The following LIN52 variants were observed in gnomAD, a reference collection of about 807,000 sequenced individuals.
LIN52 encodes the protein lin-52 DREAM MuvB core complex component.
In LIN52, 4 loss-of-function variants were observed where a neutral mutation model predicts 18.5. The observed-to-expected ratio is 0.22, with a 90% CI of 0.11 to 0.49. The LOEUF (loss-of-function observed/expected upper bound fraction) is 0.49, where lower values mean the gene tolerates loss of function less well. LIN52 is among the 20% of genes least tolerant of loss of function. LIN52 has a pLI of 0.97. For synonymous variants in LIN52, 34 were observed against 45.5 expected (o/e 0.75, Z 1.02); for missense variants, 102 against 139.5 (o/e 0.73, Z 1.35).
intron 5 of LIN52, among the ~76,000 whole-genome samples, chr14:74,197,516 A>G (rs1452087916): frequency 6.6e-6 from 1 of 152,202 alleles, no homozygotes; most frequent in Non-Finnish European, 1.5e-5. Flanking sequence ...GAAGACAACC[A>G]TATAAGCTAG....
rs1424149703 is a variant in LIN52 at position 74,199,733 on chromosome 14, A to G, written c.*756A>G. The G allele has an allele frequency of 6.6e-6, 1 of 152,214 alleles. No individual in the cohort carries two copies. The highest frequency in any genetic ancestry group is 1.5e-5 in the Non-Finnish European group (1 of 68,054). 9.4% of individuals were successfully genotyped at this position (152,214 alleles called of 1,614,324 possible). ...TGACAGAAAGGACTTTTGAGTTCTA[A>G]TTAATCTGTTACAGCTTCAAGCAAG... On this transcript the variant is annotated 3_prime_UTR_variant, in exon 6 of 6. Transcript: ENST00000555028.
chr14:74,097,777 A>T lies in LIN52; in HGVS notation c.133-17A>T. The T allele has an allele frequency of 1.3e-6, 2 of 1,564,590 alleles. No individual in the cohort carries two copies. The highest frequency in any genetic ancestry group is 1.8e-6 in the Non-Finnish European group (2 of 1,135,342). On this transcript the variant is annotated splice_polypyrimidine_tract_variant and intron_variant, in intron 3 of 5. Coordinates refer to ENST00000555028, the MANE Select transcript of LIN52 (RefSeq NM_001024674.3). Reference sequence around the variant, plus strand: ...ACACTTTTTATGTGTCTGAATGGATATATTATTTTTTGACAGCCTATTACT... The same window carrying T: ...ACACTTTTTATGTGTCTGAATGGATTTATTATTTTTTGACAGCCTATTACT...
chr14:74,187,114 A>G (rs936600471), intron 5 of LIN52, among the ~76,000 whole-genome samples: 5 of 152,202 alleles, frequency 3.3e-5, no homozygotes, highest in African/African-American at 9.6e-5. Context: ...AAAGAATTTC[A>G]TACATTATCT....
At chr14:74,157,455 A>T (rs1412488951) in intron 5 of LIN52, among the ~76,000 whole-genome samples, 31 of 69,368 alleles carry the variant, frequency 4.5e-4, no homozygotes, top group Middle Eastern at 5.9e-3. Flanking sequence ...ATATATATAT[A>T]TATATTTTTT....
rs372157745 is a variant in LIN52, at chr14:74,086,011, ATT to A, written c.19+1028_19+1029del. ...CAAAAGATGACTCAAACATATAAACATTTTTTTTTTTCAGTTTCAGTTCTCTT... is the reference window on the plus strand; with the variant it reads ...CAAAAGATGACTCAAACATATAAACATTTTTTTTTCAGTTTCAGTTCTCTT... On this transcript the variant is annotated intron_variant, in intron 1 of 5. Transcript: ENST00000555028. 9.0e-4 allele frequency among the ~76,000 whole-genome samples: 134 copies of A among 148,262 alleles called. 1 individual carries two copies. Among genetic ancestry groups the A allele is most frequent in the African/African-American group, 3.2e-3 (131 of 40,620 alleles).
At chr14:74,152,955 GTC>G (rs2061182870) in intron 5 of LIN52, among the ~76,000 whole-genome samples, 1 of 88,660 alleles carries the variant, frequency 1.1e-5, no homozygotes, top group African/African-American at 4.9e-5. Context: ...GCAAGACTCT[GTC>G]TCAAAAAAAA....
chr14:74,103,733 GTTTTTTTTT>G (rs573188668), intron 5 of LIN52, among the ~76,000 whole-genome samples: 30 of 46,034 alleles, frequency 6.5e-4, no homozygotes, highest in African/African-American at 2.0e-3. Flanking sequence ...GGCCTGGCCA[GTTTTTTTTT>G]TTTTTTTTTT....
At chr14:74,186,917 G>A (rs892272048) in intron 5 of LIN52, among the ~76,000 whole-genome samples, 5 of 152,090 alleles carry the variant, frequency 3.3e-5, no homozygotes, top group African/African-American at 1.2e-4. Context: ...CATCTCTCCT[G>A]AAAATACAAA....
intron 5 of LIN52, among the ~76,000 whole-genome samples, chr14:74,142,038 A>G (rs2061133755): frequency 6.6e-6 from 1 of 152,144 alleles, no homozygotes; most frequent in Admixed American, 6.5e-5. Flanking sequence ...AAGCAAAGCA[A>G]TTTTCCAGGA....
At chr14:74,135,020 T>C (rs752302171) in intron 5 of LIN52, among the ~76,000 whole-genome samples, 2 of 152,176 alleles carry the variant, frequency 1.3e-5, no homozygotes, top group Non-Finnish European at 2.9e-5. Flanking sequence ...ATTGAAACTA[T>C]CCTTGCATAC....
intron 5 of LIN52, among the ~76,000 whole-genome samples, chr14:74,173,090 G>A (rs1014782647): frequency 2.0e-5 from 3 of 152,102 alleles, no homozygotes; most frequent in Admixed American, 6.5e-5. Context: ...TGTATAAAAA[G>A]CATTCTGTTG....
At chr14:74,163,628 AT>A (rs908156391) in intron 5 of LIN52, among the ~76,000 whole-genome samples, 3 of 152,150 alleles carry the variant, frequency 2.0e-5, no homozygotes, top group African/African-American at 7.2e-5. Context: ...TACTAAAACA[AT>A]TTTTTTAAAA....
chr14:74,190,515 C>T (rs2061359309), intron 5 of LIN52, among the ~76,000 whole-genome samples: 1 of 151,222 alleles, frequency 6.6e-6, no homozygotes, highest in Non-Finnish European at 1.5e-5. Flanking sequence ...CTTCAGCCTC[C>T]CAAGTAGCTG....
intron 5 of LIN52, among the ~76,000 whole-genome samples, chr14:74,169,326 C>T (rs1297724960): frequency 6.6e-6 from 1 of 152,138 alleles, no homozygotes; most frequent in Non-Finnish European, 1.5e-5. Context: ...TCTCTTTTCT[C>T]CTCCCTTTTT....
chr14:74,116,486 A>T (rs2060965466), intron 5 of LIN52, among the ~76,000 whole-genome samples: 1 of 152,144 alleles, frequency 6.6e-6, no homozygotes, highest in South Asian at 2.1e-4. Context: ...TAGGCGGATC[A>T]TTTGAGATCA....
At chr14:74,090,549 C>T (rs185112307) in intron 1 of LIN52, among the ~76,000 whole-genome samples, 1 of 151,680 alleles carries the variant, frequency 6.6e-6, no homozygotes, top group East Asian at 1.9e-4. Flanking sequence ...GTTGGCCAGG[C>T]TGGTCTCAAA....
intron 5 of LIN52, among the ~76,000 whole-genome samples, chr14:74,195,720 G>C (rs2078908629): frequency 6.6e-6 from 1 of 152,186 alleles, no homozygotes; most frequent in Non-Finnish European, 1.5e-5. Flanking sequence ...CTGATGTCTT[G>C]CAAATTAAAA....
intron 5 of LIN52, among the ~76,000 whole-genome samples, chr14:74,139,408 A>G (rs2061116441): frequency 6.6e-6 from 1 of 152,220 alleles, no homozygotes; most frequent in Non-Finnish European, 1.5e-5. Flanking sequence ...GAAGCTCAGA[A>G]TTAGTGATTT....
At chr14:74,168,721 GA>G (rs1418613642) in intron 5 of LIN52, among the ~76,000 whole-genome samples, 1 of 151,952 alleles carries the variant, frequency 6.6e-6, no homozygotes. Flanking sequence ...AGAGTAAAAG[GA>G]AACATACTTA....
Sources: gnomAD v4.1 joint callset for allele counts (sites outside exome capture counted in the v4.1 genomes callset) on GRCh38, gnomAD v4.1.1 for gene constraint, MANE v1.5 for transcripts, NCBI Gene and HGNC (gene_info 2026-07-23, HGNC 2026-07-21) for gene names.